RPS6KL1: variants seen among roughly 807,000 people sequenced by gnomAD.
RPS6KL1 encodes ribosomal protein S6 kinase like 1.
RPS6KL1 carries 41 observed loss-of-function variants against 57.0 expected under a neutral mutation model. The observed-to-expected ratio is 0.72, with a 90% CI of 0.56 to 0.93. RPS6KL1 has a LOEUF of 0.93. RPS6KL1 is among the 40% of genes least tolerant of loss of function. The pLI, the probability that RPS6KL1 is intolerant of heterozygous loss-of-function variation, is 0.00. For missense variants in RPS6KL1, 697 were observed against 727.7 expected, an observed-to-expected ratio of 0.96 and a Z score of 0.49; for synonymous variants, 287 against 309.7, an observed-to-expected ratio of 0.93 and a Z score of 0.77.
chr14:74,907,573 G>A (rs1885135333), intron 10 of RPS6KL1, 43 bp from the exon 11 acceptor site: 1 of 1,531,920 alleles, frequency 6.5e-7, no homozygotes, highest in Admixed American at 2.0e-5. Flanking sequence ...GCAACCCCAG[G>A]ACCGTCTACA....
Position 74,907,549 on chromosome 14 carries a change from G to A in RPS6KL1, c.1444-19C>T. 6.4e-7 allele frequency: 1 copy of A among 1,554,210 alleles called. No individual in the cohort carries two copies. The highest frequency in any genetic ancestry group is 8.7e-7 in the Non-Finnish European group (1 of 1,147,814). On this transcript the variant is annotated intron_variant, in intron 10 of 11. Transcript: ENST00000557413. ...ACAGTGCCTGGGAGGACACAGGGAAGGGCCTCTGAGGAGGCAACCCCAGGA... is the reference window on the plus strand; with the variant it reads ...ACAGTGCCTGGGAGGACACAGGGAAAGGCCTCTGAGGAGGCAACCCCAGGA...
At chr14:74,922,626 G>C (rs1386605989) in intron 1 of RPS6KL1, 141 bp from the exon 2 acceptor site, 1 of 152,430 alleles carries the variant, frequency 6.6e-6, no homozygotes, top group Non-Finnish European at 1.5e-5. Context: ...GGCCTCCAAG[G>C]ACCTGACAGC....
At chr14:74,912,036 G>A (rs1886096624) in intron 5 of RPS6KL1, among the ~76,000 whole-genome samples, 195 bp from the exon 6 acceptor site, 1 of 152,124 alleles carries the variant, frequency 6.6e-6, no homozygotes, top group African/African-American at 2.4e-5. Context: ...TAGACCTGTG[G>A]TCTCAGATGC....
intron 1 of RPS6KL1, among the ~76,000 whole-genome samples, chr14:74,922,973 G>A (rs1031459652): frequency 3.9e-5 from 6 of 152,184 alleles, no homozygotes; most frequent in African/African-American, 1.4e-4. Flanking sequence ...CCTTGCTCTG[G>A]GGGGTGCCCG....
rs1884874942 is a variant in RPS6KL1, at chr14:74,906,456, C to T, written c.*558G>A. On this transcript the variant is annotated 3_prime_UTR_variant, in exon 12 of 12. Coordinates refer to ENST00000557413, the MANE Select transcript of RPS6KL1 (RefSeq NM_031464.5). ...ATCCTGTCCCCTACCTCATCCCTCC[C>T]TGCACAACAGATGGCATCCCTGCTT... 2.3e-6 allele frequency: 1 copy of T among 430,024 alleles called. No individual in the cohort carries two copies. The highest frequency in any genetic ancestry group is 2.4e-5 in the Admixed American group (1 of 41,318). The allele number at this position is 430,024 out of a possible 1,614,324, so 26.6% of individuals were successfully genotyped here.
chr14:74,916,403 G>A (rs1886849673), intron 5 of RPS6KL1, among the ~76,000 whole-genome samples: 1 of 152,232 alleles, frequency 6.6e-6, no homozygotes, highest in Non-Finnish European at 1.5e-5. Flanking sequence ...GAAATAGAAT[G>A]CGGCGGGCCA....
chr14:74,909,667 C>A lies in RPS6KL1; in HGVS notation c.1146G>T (p.Trp382Cys). ...GCTTCACCTGCTCCTCTCTCACACT[C>A]CAGGTGGCCCTGCCACAGCCCCGGC... is the stretch of plus-strand genomic sequence containing the variant. ...GAGRGCGRAT[W>C]SVREEQVKQW... Residue 382 changes from tryptophan (W) to cysteine (C), a missense_variant, in exon 8 of 12, where the codon TGG (tryptophan) becomes TGT (cysteine). Coordinates refer to ENST00000557413, the MANE Select transcript of RPS6KL1 (RefSeq NM_031464.5). 6.2e-7 allele frequency: 1 copy of A among 1,610,424 alleles called. No individual in the cohort carries two copies.
rs777741745 is a variant in RPS6KL1 at position 74,921,536 on chromosome 14, G to C, written c.6C>G (p.Ser2Arg). The change falls in exon 3 of 12, where the codon AGC becomes AGG. Residue 2 changes from serine (S) to arginine (R), a missense_variant. Coordinates refer to ENST00000557413, the MANE Select transcript of RPS6KL1 (RefSeq NM_031464.5). ...TGGGCAGGCACTCACAGGCCACCAG[G>C]CTCATGGCTGCCCTGCAGCTGGGAC... is the stretch of plus-strand genomic sequence containing the variant. M[S>R]LVACECLPSP... The C allele has an allele frequency of 6.2e-7, 1 of 1,613,550 alleles. No homozygotes were observed. The highest frequency in any genetic ancestry group is 8.5e-7 in the Non-Finnish European group (1 of 1,179,826).
chr14:74,921,238 T>TAGCCCCCC, intron 3 of RPS6KL1, 39 bp downstream of exon 3: 1 of 840,186 alleles, frequency 1.2e-6, no homozygotes, highest in Non-Finnish European at 2.0e-6. Context: ...CACTGGCCCT[T>TAGCCCCCC]CCCCACCCAC....
In RPS6KL1 at chr14:74,905,117, C is replaced by G. The variant is rs1047077430; in HGVS notation, c.*1897G>C. 2 of 152,228 alleles carry G rather than the reference C, an allele frequency of 1.3e-5. No homozygotes were observed. The highest frequency in any genetic ancestry group is 3.9e-4 in the East Asian group (2 of 5,188). 9.4% of individuals were successfully genotyped at this position (152,228 alleles called of 1,614,324 possible). ...ATAGGCATTATTTACCCCATTTTAT[C>G]GAAAGGAGGTCGACTGTAAGAGCTG... On this transcript the variant is annotated 3_prime_UTR_variant, in exon 12 of 12. Coordinates refer to ENST00000557413, the MANE Select transcript of RPS6KL1 (RefSeq NM_031464.5).
intron 5 of RPS6KL1, 34 bp from the exon 6 acceptor site, chr14:74,911,875 G>C: frequency 1.3e-6 from 2 of 1,547,010 alleles, no homozygotes; most frequent in Non-Finnish European, 1.7e-6. Context: ...GTTAAGGCAG[G>C]TACTAGCTCC....
chr14:74,922,919 C>A (rs1038335282), intron 1 of RPS6KL1, among the ~76,000 whole-genome samples: 1 of 152,204 alleles, frequency 6.6e-6, no homozygotes, highest in Non-Finnish European at 1.5e-5. Flanking sequence ...GGAGGCCGCA[C>A]CATCCCTGCT....
In RPS6KL1 at chr14:74,907,237, C is replaced by T; in HGVS notation, c.1540-113G>A. 2.9e-6 allele frequency: 4 copies of T among 1,367,540 alleles called. No homozygotes were observed. The Admixed American group carries it at 6.8e-5, about 23-fold the overall frequency. The allele number at this position is 1,367,540 out of a possible 1,614,324, so 84.7% of individuals were successfully genotyped here. A position where few individuals can be genotyped will look rare whatever the true frequency, so the allele number is the denominator to read the frequency against. On this transcript the variant is annotated intron_variant, in intron 11 of 11. Coordinates refer to ENST00000557413, the MANE Select transcript of RPS6KL1 (RefSeq NM_031464.5). ...GGGGCCTGCTCCCTGGCAGCCTGGC[C>T]CACAGAACCCCCATTTTACCCTGGG...
Position 74,911,816 on chromosome 14 carries a change from G to C in RPS6KL1, c.509C>G (p.Thr170Ser). 1.9e-6 allele frequency: 3 copies of C among 1,553,774 alleles called. No homozygotes were observed. Among genetic ancestry groups the C allele is most frequent in the Non-Finnish European group, 2.6e-6 (3 of 1,148,508 alleles). ...EKVQLVQDPA[T>S]GGTFVVKSLP... ...TGCCTTCACCACAAAGGTCCCTCCGGTTGCCGGGTCCTGGACCAGCTGCAC... is the reference window on the plus strand; with the variant it reads ...TGCCTTCACCACAAAGGTCCCTCCGCTTGCCGGGTCCTGGACCAGCTGCAC... Residue 170 changes from threonine (T) to serine (S), a missense_variant, in exon 6 of 12, where the codon ACC becomes AGC. Transcript: ENST00000557413.
rs1047409258 is a variant in RPS6KL1, at chr14:74,906,327, C to G, written c.*687G>C. 8.6e-6 allele frequency: 3 copies of G among 347,494 alleles called. No individual in the cohort carries two copies. Among genetic ancestry groups the G allele is most frequent in the Middle Eastern group, 1.1e-3 (1 of 944 alleles). The allele number at this position is 347,494 out of a possible 1,614,324, so 21.5% of individuals were successfully genotyped here. On this transcript the variant is annotated 3_prime_UTR_variant, in exon 12 of 12. Transcript: ENST00000557413. Reference sequence around the variant, plus strand: ...AGACCCATGCATTCCTTCCTCCCCCCATTACTCTTATTTTCTTCCCCTCCC... The same window carrying G: ...AGACCCATGCATTCCTTCCTCCCCCGATTACTCTTATTTTCTTCCCCTCCC...
intron 10 of RPS6KL1, 122 bp from the exon 11 acceptor site, chr14:74,907,652 T>A: frequency 1.1e-6 from 1 of 898,832 alleles, no homozygotes; most frequent in Non-Finnish European, 1.7e-6. Flanking sequence ...TAATGATAGT[T>A]GCTACAGCCA....
At position 74,906,409 on chromosome 14, in the gene RPS6KL1, T is replaced by TGGGGGGGG. The variant is rs537079155; in HGVS notation, c.*604_*605insCCCCCCCC. 3 of 157,418 alleles carry TGGGGGGGG rather than the reference T, an allele frequency of 1.9e-5. No individual in the cohort carries two copies. In the African/African-American group the frequency reaches 2.0e-4, roughly 10 times the overall value. 9.8% of individuals were successfully genotyped at this position (157,418 alleles called of 1,614,324 possible). On this transcript the variant is annotated 3_prime_UTR_variant, in exon 12 of 12. Coordinates refer to ENST00000557413, the MANE Select transcript of RPS6KL1 (RefSeq NM_031464.5). ...AGGGGGCATGGTCAGGAATCGGGGG[T>TGGGGGGGG]GGGGGGGTGGGGGTGGGGGTCATCC...
rs990691039 is a variant in RPS6KL1, at chr14:74,906,749, G to A, written c.*265C>T. 3 of 635,366 alleles carry A rather than the reference G, an allele frequency of 4.7e-6. No individual in the cohort carries two copies. Among genetic ancestry groups the A allele is most frequent in the South Asian group, 1.5e-5 (1 of 66,752 alleles). 39.4% of individuals were successfully genotyped at this position (635,366 alleles called of 1,614,324 possible). On this transcript the variant is annotated 3_prime_UTR_variant, in exon 12 of 12. Coordinates refer to ENST00000557413, the MANE Select transcript of RPS6KL1 (RefSeq NM_031464.5). ...AACATGGTGAGTCCACATGCTCAACGGGTCTGTTGACTGATGGGTAGATGG... is the reference window on the plus strand; with the variant it reads ...AACATGGTGAGTCCACATGCTCAACAGGTCTGTTGACTGATGGGTAGATGG...
Position 74,909,190 on chromosome 14 carries a change from C to T in RPS6KL1, c.1271G>A (p.Gly424Asp), listed in dbSNP as rs1885452745. 6.2e-7 allele frequency: 1 copy of T among 1,614,066 alleles called. No homozygotes were observed. Among genetic ancestry groups the T allele is most frequent in the East Asian group, 2.2e-5 (1 of 44,882 alleles). ...GCCAAAATATGTGAGCCGGATGTGA[C>T]CTCCAGTGTGTGGGAGGAAAAAGGA... ...HPGNLLLDQA[G>D]HIRLTYFGQW... The change falls in exon 9 of 12, where the codon GGT becomes GAT. Residue 424 changes from glycine (G) to aspartate (D), a missense_variant and splice_region_variant. By Grantham distance (94) the Gly-to-Asp change is moderately conservative. Coordinates refer to ENST00000557413, the MANE Select transcript of RPS6KL1 (RefSeq NM_031464.5).
Sources: allele counts gnomAD v4.1 joint callset (sites outside exome capture counted in the v4.1 genomes callset), GRCh38; gene constraint gnomAD v4.1.1; transcripts MANE v1.5; gene names NCBI Gene and HGNC (gene_info 2026-07-23, HGNC 2026-07-21).